Variants in HUWE1 observed in about 807,000 individuals in gnomAD.
HUWE1 encodes the protein HECT, UBA and WWE domain containing E3 ubiquitin protein ligase 1, also known as E3 ubiquitin-protein ligase HUWE1.
HUWE1 carries 18 observed loss-of-function variants against 299.4 expected under a neutral mutation model. That is an observed-to-expected ratio of 0.06 (90% CI 0.04 to 0.09). The LOEUF is 0.09. Ranked by LOEUF, HUWE1 falls within the 10% of genes least tolerant of loss-of-function variation. HUWE1 has a pLI of 1.00. For missense variants in HUWE1, 1,832 were observed against 3,462.3 expected (o/e 0.53, Z 11.82); for synonymous variants, 1,317 against 1,286.1 (o/e 1.02, Z -0.51).
At chrX:53,607,750 A>C (rs1556998177) in intron 24 of HUWE1, 51 bp from the exon 25 acceptor site, 1 of 849,681 alleles carries the variant, frequency 1.2e-6, no homozygotes, top group Admixed American at 2.5e-5. Context: ...GGTGGAACTA[A>C]ATGGCCAGCC....
chrX:53,566,355 C>T (rs1370925709), intron 49 of HUWE1, among the ~76,000 whole-genome samples: 1 of 107,068 alleles, frequency 9.3e-6, no homozygotes. Context: ...CCTGTAATCC[C>T]AGCACTGTGG....
intron 9 of HUWE1, 47 bp downstream of exon 9, chrX:53,632,440 T>G (rs1437372584): frequency 1.1e-6 from 1 of 942,214 alleles, no homozygotes; most frequent in African/African-American, 1.9e-5. Flanking sequence ...CAATCCCAGT[T>G]ACAGTAAATT....
At chrX:53,607,736 G>A (rs930073366) in intron 24 of HUWE1, 37 bp from the exon 25 acceptor site, 4 of 992,696 alleles carry the variant, frequency 4.0e-6, no homozygotes, top group Non-Finnish European at 5.6e-6. Context: ...GTTAGAGCCT[G>A]ACAGGTGGAA....
At chrX:53,588,755 T>C (rs2063991380) in intron 36 of HUWE1, among the ~76,000 whole-genome samples, 1 of 112,117 alleles carries the variant, frequency 8.9e-6, no homozygotes, top group Non-Finnish European at 1.9e-5. Context: ...GGCTAGACTA[T>C]AAGCAGCCTA....
intron 2 of HUWE1, chrX:53,684,282 T>C (rs1175225165): frequency 2.1e-5 from 3 of 139,564 alleles, no homozygotes; most frequent in African/African-American, 9.1e-5. Context: ...GCCTCGCCTT[T>C]AGGAAACATG....
At position 53,573,975 on chromosome X, in the gene HUWE1, A is replaced by C. The variant is rs782013540; in HGVS notation, c.6098-11T>G. ...CCTCTGGAGTTGAAGCTGTTGAGAAAAGTCAAACACTGGTTCAATTCCACA... is the reference window on the plus strand; with the variant it reads ...CCTCTGGAGTTGAAGCTGTTGAGAACAGTCAAACACTGGTTCAATTCCACA... On this transcript the variant is annotated splice_polypyrimidine_tract_variant and intron_variant, in intron 46 of 83. Coordinates refer to ENST00000262854, the MANE Select transcript of HUWE1 (RefSeq NM_031407.7). 2 of 1,178,377 alleles carry C rather than the reference A, an allele frequency of 1.7e-6. No homozygotes were observed. Among genetic ancestry groups the C allele is most frequent in the East Asian group, 5.9e-5 (2 of 33,663 alleles).
chrX:53,563,427 C>A (rs1556942987), intron 52 of HUWE1, among the ~76,000 whole-genome samples: 1 of 111,224 alleles, frequency 9.0e-6, no homozygotes, highest in Admixed American at 9.6e-5. Context: ...CATTGAAGAA[C>A]TGAAAGGCAG....
rs782082541 is a variant in HUWE1 at position 53,629,825 on chromosome X, T to TA, written c.863-210dup. ...CAGACACTGAATTGACAGATTCCAC[T>TA]ACTAAAGGTATTATTAGTCTTGAGA... On this transcript the variant is annotated intron_variant, in intron 12 of 83. Transcript: ENST00000262854. 4.4e-4 allele frequency among the ~76,000 whole-genome samples: 50 copies of TA among 112,425 alleles called. 1 individual carries two copies. Among genetic ancestry groups the TA allele is most frequent in the Non-Finnish European group, 7.5e-4 (40 of 53,230 alleles).
At chrX:53,579,555 G>T (rs1448559558) in intron 43 of HUWE1, among the ~76,000 whole-genome samples, 1 of 109,261 alleles carries the variant, frequency 9.2e-6, no homozygotes, top group Non-Finnish European at 1.9e-5. Context: ...TGCCGGGTCT[G>T]TGTGGATGGA....
chrX:53,536,741 G>A (rs1478061512), intron 78 of HUWE1, 74 bp from the exon 79 acceptor site: 17 of 929,769 alleles, frequency 1.8e-5, no homozygotes, highest in Non-Finnish European at 2.3e-5. Flanking sequence ...GTGTGAGTGA[G>A]AGACTGTGAA....
At chrX:53,685,931 A>G (rs1283371875) in intron 2 of HUWE1, among the ~76,000 whole-genome samples, 1 of 112,339 alleles carries the variant, frequency 8.9e-6, no homozygotes, top group Non-Finnish European at 1.9e-5. Context: ...GCTAATGTAT[A>G]TCAATCGGGA....
chrX:53,585,098 C>G lies in HUWE1; in HGVS notation c.4915G>C (p.Asp1639His). 2 of 1,211,951 alleles carry G rather than the reference C, an allele frequency of 1.7e-6. No individual in the cohort carries two copies. The highest frequency in any genetic ancestry group is 3.5e-5 in the African/African-American group (2 of 57,883). ...SYSASNNSTI[D>H]SAWKSGETSV... is the part of the protein sequence containing the mutation. ...GTCTCTCCAGATTTCCAGGCAGAAT[C>G]AATAGTGCTATTGTTGCTTGCACTG... Residue 1639 changes from aspartate (D) to histidine (H), a missense_variant, in exon 40 of 84, where the codon GAT (aspartate) becomes CAT (histidine). This residue lies in a region of HUWE1 where 658 missense variants were observed against 1,282.6 expected (regional missense o/e 0.51). Transcript: ENST00000262854.
intron 49 of HUWE1, among the ~76,000 whole-genome samples, chrX:53,565,768 A>G (rs952340246): frequency 1.8e-5 from 2 of 109,932 alleles, no homozygotes; most frequent in African/African-American, 3.3e-5. Flanking sequence ...AGTCGCTGGG[A>G]CTACAGGCGT....
intron 60 of HUWE1, chrX:53,557,140 A>T (rs2062056011): frequency 2.0e-6 from 1 of 502,998 alleles, no homozygotes; most frequent in South Asian, 2.7e-5. Flanking sequence ...CAAAGTAGAT[A>T]ATAACCAGAA....
At chrX:53,619,991 T>A (rs2066042410) in intron 19 of HUWE1, among the ~76,000 whole-genome samples, 1 of 111,741 alleles carries the variant, frequency 8.9e-6, no homozygotes, top group East Asian at 2.8e-4. Context: ...ACACTCCTTT[T>A]CTCACTGGCA....
intron 6 of HUWE1, among the ~76,000 whole-genome samples, chrX:53,645,730 AAAAAAAATAT>A (rs2067944780): frequency 1.1e-4 from 2 of 18,306 alleles, no homozygotes; most frequent in Non-Finnish European, 2.1e-4. Context: ...GAAAAAAAAA[AAAAAAAATAT>A]ATATATATAT....
intron 63 of HUWE1, 140 bp downstream of exon 63, chrX:53,552,171 A>T: frequency 1.4e-5 from 9 of 664,968 alleles, no homozygotes; most frequent in Non-Finnish European, 2.1e-5. Flanking sequence ...ATGCCATACC[A>T]GCACCCCCGC....
chrX:53,652,958 G>A (rs1557041063), intron 4 of HUWE1, among the ~76,000 whole-genome samples: 1 of 111,858 alleles, frequency 8.9e-6, no homozygotes, highest in Non-Finnish European at 1.9e-5. Flanking sequence ...AAGAAGCCTG[G>A]GCAACAAGGC....
Position 53,559,429 on chromosome X carries a change from G to C in HUWE1, c.7840C>G (p.His2614Asp). 8.3e-7 allele frequency: 1 copy of C among 1,209,791 alleles called. No homozygotes were observed. Among genetic ancestry groups the C allele is most frequent in the Non-Finnish European group, 1.1e-6 (1 of 893,811 alleles). Residue 2614 changes from histidine to aspartate, a missense_variant, in exon 57 of 84, where the codon CAC (histidine) becomes GAC (aspartate). By Grantham distance (81) the His-to-Asp change is moderately conservative (BLOSUM62 -1). Transcript: ENST00000262854. ...ARLLVGNDDV[H>D]IIARSDDELL... ...TCATCATCAGAACGGGCGATGATGTGGACGTCATCGTTGCCTACCAGGAGG... is the reference window on the plus strand; with the variant it reads ...TCATCATCAGAACGGGCGATGATGTCGACGTCATCGTTGCCTACCAGGAGG...
Sources: allele counts gnomAD v4.1 joint callset (sites outside exome capture counted in the v4.1 genomes callset), GRCh38; gene constraint gnomAD v4.1.1; regional missense constraint gnomAD v4.1.1; transcripts MANE v1.5; gene names NCBI Gene and HGNC (gene_info 2026-07-23, HGNC 2026-07-21).